The following ATP8A2 variants were observed in gnomAD, a reference collection of about 807,000 sequenced individuals.
ATP8A2 encodes the protein phospholipid-transporting ATPase IB.
Under a neutral mutation model 165.6 loss-of-function variants are expected in ATP8A2, and 100 were observed. The ratio of observed to expected loss-of-function variants is 0.60; its 90% confidence interval spans 0.51 to 0.71. ATP8A2 has a LOEUF of 0.71. Among genes scored for constraint, ATP8A2 ranks in the 30% least tolerant of loss-of-function variants. ATP8A2 has a pLI of 0.00. For synonymous variants in ATP8A2, 543 were observed against 548.8 expected, an observed-to-expected ratio of 0.99 and a Z score of 0.15; for missense variants, 1,227 against 1,479.5, an observed-to-expected ratio of 0.83 and a Z score of 2.80.
At position 25,877,155 on chromosome 13, in the gene ATP8A2, T is replaced by A. The variant is rs376775503; in HGVS notation, c.3183+14747T>A. Reference sequence around the variant, plus strand: ...AGTAAATTTGATTCAAGCTTTTATGTAGTTCTTCTGACATAGGTCATCTTA... The same window carrying A: ...AGTAAATTTGATTCAAGCTTTTATGAAGTTCTTCTGACATAGGTCATCTTA... On this transcript the variant is annotated intron_variant, in intron 33 of 36. Transcript: ENST00000381655. Among the ~76,000 whole-genome samples the A allele has an allele frequency of 3.9e-5, 6 of 152,234 alleles. No homozygotes were observed. In the East Asian group the frequency reaches 1.2e-3, roughly 29 times the overall value.
intron 35 of ATP8A2, among the ~76,000 whole-genome samples, chr13:25,983,016 GC>G (rs1766120589): frequency 6.6e-6 from 1 of 152,080 alleles, no homozygotes; most frequent in Non-Finnish European, 1.5e-5. Context: ...TCTTGCATTT[GC>G]TTCTTTCTGG....
chr13:25,609,478 G>C (rs1026037915), intron 24 of ATP8A2, among the ~76,000 whole-genome samples: 2 of 52,420 alleles, frequency 3.8e-5, no homozygotes, highest in Non-Finnish European at 1.2e-4. Context: ...GTGATGCCTA[G>C]AGTGTAGTTT....
intron 24 of ATP8A2, among the ~76,000 whole-genome samples, chr13:25,694,854 C>A (rs187507990): frequency 1.6e-4 from 25 of 152,108 alleles, no homozygotes; most frequent in Admixed American, 1.5e-3. Flanking sequence ...GCCTATATGT[C>A]CCTTTTTTTC....
intron 24 of ATP8A2, among the ~76,000 whole-genome samples, chr13:25,682,038 T>C (rs1467600514): frequency 6.6e-6 from 1 of 152,122 alleles, no homozygotes; most frequent in Non-Finnish European, 1.5e-5. Context: ...ACGCGTCAGA[T>C]AGAAACAAAA....
intron 1 of ATP8A2, among the ~76,000 whole-genome samples, chr13:25,391,412 C>A (rs2033241584): frequency 1.3e-5 from 2 of 152,198 alleles, no homozygotes; most frequent in South Asian, 4.1e-4. Flanking sequence ...CATTTAACGA[C>A]CTTTGTTTCA....
chr13:25,818,715 T>C (rs1231336034), intron 27 of ATP8A2, among the ~76,000 whole-genome samples: 1 of 152,232 alleles, frequency 6.6e-6, no homozygotes, highest in Non-Finnish European at 1.5e-5. Context: ...TTTAACATGC[T>C]CTTTTAGTGA....
chr13:25,804,031 A>G (rs1245161101), intron 27 of ATP8A2, among the ~76,000 whole-genome samples: 1 of 152,274 alleles, frequency 6.6e-6, no homozygotes, highest in African/African-American at 2.4e-5. Context: ...CAGCAAGGAC[A>G]AAGAGATGAG....
chr13:25,892,478 G>GTCTCTCTCTCTCTGTCTCTC (rs1953397362), intron 33 of ATP8A2, among the ~76,000 whole-genome samples: 1 of 136,178 alleles, frequency 7.3e-6, no homozygotes, highest in African/African-American at 3.0e-5. Flanking sequence ...CTGTCTCTCT[G>GTCTCTCTCTCTCTGTCTCTC]TCTCTCTCTC....
intron 33 of ATP8A2, among the ~76,000 whole-genome samples, chr13:25,943,852 A>C (rs1265335471): frequency 6.6e-6 from 1 of 152,196 alleles, no homozygotes; most frequent in Non-Finnish European, 1.5e-5. Flanking sequence ...GAGCACCAAG[A>C]TGTAGCAGCT....
intron 6 of ATP8A2, among the ~76,000 whole-genome samples, chr13:25,537,314 A>G (rs560985603): frequency 5.3e-5 from 8 of 152,314 alleles, no homozygotes; most frequent in Admixed American, 5.2e-4. Context: ...CCTTTTAATC[A>G]GAGCATTGGC....
chr13:25,738,340 T>TC (rs55875449), intron 25 of ATP8A2, among the ~76,000 whole-genome samples: 4,757 of 98,850 alleles, frequency 0.048, 114 homozygotes, highest in Non-Finnish European at 0.064. Flanking sequence ...TGTGCCCCCC[T>TC]CCCCCCCCCC....
intron 2 of ATP8A2, among the ~76,000 whole-genome samples, chr13:25,499,941 C>T (rs2137691552): frequency 6.6e-6 from 1 of 152,106 alleles, no homozygotes; most frequent in African/African-American, 2.4e-5. Context: ...GAGGAAGATA[C>T]CAGGCAGAGA....
At chr13:25,460,859 T>C (rs949796537) in intron 1 of ATP8A2, among the ~76,000 whole-genome samples, 6 of 152,232 alleles carry the variant, frequency 3.9e-5, no homozygotes, top group Non-Finnish European at 5.9e-5. Flanking sequence ...TGAATGAAAT[T>C]GCCCTGTTTC....
chr13:25,575,797 T>C (rs2039600198), intron 19 of ATP8A2, among the ~76,000 whole-genome samples: 1 of 152,076 alleles, frequency 6.6e-6, no homozygotes, highest in Admixed American at 6.5e-5. Flanking sequence ...TAGGCATCTC[T>C]CCAAACTGTG....
intron 2 of ATP8A2, among the ~76,000 whole-genome samples, chr13:25,517,590 A>G (rs1282257994): frequency 6.6e-6 from 1 of 152,192 alleles, no homozygotes; most frequent in Non-Finnish European, 1.5e-5. Context: ...TGTATTGTAA[A>G]TTGATTGGTC....
intron 27 of ATP8A2, among the ~76,000 whole-genome samples, chr13:25,787,497 T>A (rs999548204): frequency 2.0e-5 from 3 of 152,270 alleles, no homozygotes; most frequent in Non-Finnish European, 4.4e-5. Flanking sequence ...TTGGTGATTA[T>A]GAATAATGCC....
chr13:25,444,889 C>G (rs1001199507), intron 1 of ATP8A2, among the ~76,000 whole-genome samples: 4 of 152,148 alleles, frequency 2.6e-5, no homozygotes, highest in Admixed American at 2.6e-4. Flanking sequence ...CCACCTGCCT[C>G]AGCCTCCCGA....
At chr13:25,919,254 G>C (rs533810973) in intron 33 of ATP8A2, among the ~76,000 whole-genome samples, 1 of 152,238 alleles carries the variant, frequency 6.6e-6, no homozygotes, top group South Asian at 2.1e-4. Flanking sequence ...AGTTCATCTG[G>C]GGAAAATATA....
intron 1 of ATP8A2, among the ~76,000 whole-genome samples, chr13:25,379,065 TC>T (rs1216256254): frequency 6.6e-6 from 1 of 152,240 alleles, no homozygotes; most frequent in African/African-American, 2.4e-5. Context: ...TTTTCTTTTC[TC>T]CTCTTTTGCA....
Sources: gnomAD v4.1 joint callset for allele counts (sites outside exome capture counted in the v4.1 genomes callset) on GRCh38, gnomAD v4.1.1 for gene constraint, MANE v1.5 for transcripts, NCBI Gene and HGNC (gene_info 2026-07-23, HGNC 2026-07-21) for gene names.